MBNL1: variants seen among roughly 807,000 people sequenced by gnomAD.
MBNL1 encodes muscleblind like splicing regulator 1.
Under a neutral mutation model 42.2 loss-of-function variants are expected in MBNL1, and 8 were observed. That is an observed-to-expected ratio of 0.19 (90% CI 0.11 to 0.34). The LOEUF (loss-of-function observed/expected upper bound fraction) is 0.34. Among genes scored for constraint, MBNL1 ranks in the 10% least tolerant of loss-of-function variants. The probability of loss-of-function intolerance (pLI) is 1.00; values close to 1 mark genes in which losing one functional copy is unlikely to be tolerated. For synonymous variants in MBNL1, 169 were observed against 173.9 expected, an observed-to-expected ratio of 0.97 and a Z score of 0.22; for missense variants, 309 against 495.3, an observed-to-expected ratio of 0.62 and a Z score of 3.57.
intron 2 of MBNL1, among the ~76,000 whole-genome samples, chr3:152,250,816 GT>G (rs1368696220): frequency 1.3e-5 from 2 of 151,988 alleles, no homozygotes; most frequent in Admixed American, 6.6e-5. Context: ...TTTATTGAGA[GT>G]TTTTGGCATG....
At chr3:152,399,682 T>C (rs2098131707) in intron 2 of MBNL1, among the ~76,000 whole-genome samples, 1 of 152,086 alleles carries the variant, frequency 6.6e-6, no homozygotes, top group Non-Finnish European at 1.5e-5. Flanking sequence ...TTCTATATTT[T>C]TGTAGACACA....
intron 2 of MBNL1, among the ~76,000 whole-genome samples, chr3:152,303,116 T>G (rs2061422390): frequency 6.6e-6 from 1 of 152,034 alleles, no homozygotes. Flanking sequence ...AGGAAGAAAA[T>G]TAGCTCACTA....
intron 2 of MBNL1, chr3:152,340,530 A>C: frequency 1.3e-6 from 2 of 1,584,890 alleles, no homozygotes; most frequent in Non-Finnish European, 1.7e-6. Flanking sequence ...GAGATTTTTA[A>C]TTCTTCATGA....
chr3:152,417,037 A>G (rs2098713529), intron 3 of MBNL1, among the ~76,000 whole-genome samples: 1 of 152,250 alleles, frequency 6.6e-6, no homozygotes, highest in African/African-American at 2.4e-5. Context: ...TCATTGTCTA[A>G]AAATATACTT....
chr3:152,455,458 A>G, intron 6 of MBNL1, 84 bp from the exon 7 acceptor site: 3 of 1,105,914 alleles, frequency 2.7e-6, no homozygotes, highest in Non-Finnish European at 4.1e-6. Flanking sequence ...GTTCAAATGA[A>G]TTTTCTAATT....
intron 2 of MBNL1, among the ~76,000 whole-genome samples, chr3:152,368,271 C>A (rs902530196): frequency 2.6e-5 from 4 of 152,124 alleles, no homozygotes; most frequent in Middle Eastern, 3.2e-3. Context: ...ATAGGGAATT[C>A]TTTTCCCATT....
chr3:152,289,582 A>AT (rs2054642181), intron 1 of MBNL1, among the ~76,000 whole-genome samples: 1 of 152,060 alleles, frequency 6.6e-6, no homozygotes, highest in Non-Finnish European at 1.5e-5. Flanking sequence ...TGAATTTGTT[A>AT]TTTTTTTGAA....
At chr3:152,313,008 A>G (rs1186252406) in intron 2 of MBNL1, among the ~76,000 whole-genome samples, 2 of 151,260 alleles carry the variant, frequency 1.3e-5, no homozygotes, top group African/African-American at 4.9e-5. Context: ...GCCACATGAA[A>G]AAATGTGCAA....
chr3:152,374,672 CCAAA>C (rs959577565), intron 2 of MBNL1, among the ~76,000 whole-genome samples: 1 of 152,124 alleles, frequency 6.6e-6, no homozygotes, highest in South Asian at 2.1e-4. Flanking sequence ...ATCACATTTG[CCAAA>C]CAAAGTGTTC....
chr3:152,333,967 G>A (rs1344662543), intron 2 of MBNL1, among the ~76,000 whole-genome samples: 1 of 152,162 alleles, frequency 6.6e-6, no homozygotes, highest in Non-Finnish European at 1.5e-5. Context: ...CAGTTTCCTT[G>A]TTTCCAAAAT....
chr3:152,419,302 G>A (rs1007838813), intron 3 of MBNL1, among the ~76,000 whole-genome samples: 5 of 152,088 alleles, frequency 3.3e-5, no homozygotes, highest in African/African-American at 9.7e-5. Context: ...CCAAATAGGA[G>A]CAACTCCAGT....
chr3:152,268,859 G>A (rs764975884), upstream of MBNL1: 6 of 453,224 alleles, frequency 1.3e-5, no homozygotes, highest in Middle Eastern at 4.9e-4. Context: ...CTGGGCGGGC[G>A]GGGGAGGGGC....
intron 2 of MBNL1, among the ~76,000 whole-genome samples, chr3:152,258,643 C>T (rs1465294683): frequency 6.6e-6 from 1 of 152,198 alleles, no homozygotes; most frequent in Non-Finnish European, 1.5e-5. Flanking sequence ...ATGTGTCATA[C>T]TTGGTATGTA....
chr3:152,403,654 A>G (rs1294514011), intron 2 of MBNL1, among the ~76,000 whole-genome samples: 2 of 152,118 alleles, frequency 1.3e-5, no homozygotes, highest in East Asian at 1.9e-4. Context: ...TTCTCTAGGT[A>G]TGGGGGTGGA....
chr3:152,293,482 A>G (rs942755981), intron 1 of MBNL1, among the ~76,000 whole-genome samples: 2 of 152,228 alleles, frequency 1.3e-5, no homozygotes, highest in Non-Finnish European at 2.9e-5. Context: ...TTAGTTTACT[A>G]AAGAACTGCA....
intron 2 of MBNL1, among the ~76,000 whole-genome samples, chr3:152,343,944 T>C (rs1015714676): frequency 1.3e-5 from 2 of 152,236 alleles, no homozygotes; most frequent in African/African-American, 4.8e-5. Flanking sequence ...CCCTTATAAA[T>C]AAGTTATTAA....
intron 2 of MBNL1, among the ~76,000 whole-genome samples, chr3:152,259,471 T>C (rs1280370352): frequency 6.6e-6 from 1 of 152,226 alleles, no homozygotes. Flanking sequence ...AAACAAGTGA[T>C]AATAAAATTA....
chr3:152,376,485 G>A (rs907139653), intron 2 of MBNL1, among the ~76,000 whole-genome samples: 1 of 152,056 alleles, frequency 6.6e-6, no homozygotes. Flanking sequence ...TGGTTCATCC[G>A]TAAAATAAGA....
At position 152,463,207 on chromosome 3, in the gene MBNL1, C is replaced by T. The variant is rs1330687902; in HGVS notation, c.*841C>T. The T allele has an allele frequency of 6.7e-6, 1 of 149,268 alleles. No individual in the cohort carries two copies. Among genetic ancestry groups the T allele is most frequent in the East Asian group, 2.0e-4 (1 of 5,104 alleles). The allele number at this position is 149,268 out of a possible 1,614,324, so 9.2% of individuals were successfully genotyped here. ...AATTTAACTTTACAGTAACAATAGA[C>T]AGCACAACACAAACTCTCTCAATAC... On this transcript the variant is annotated 3_prime_UTR_variant, in exon 10 of 10. Coordinates refer to ENST00000324210, the MANE Select transcript of MBNL1 (RefSeq NM_021038.5).
Sources: gnomAD v4.1 joint callset for allele counts (sites outside exome capture counted in the v4.1 genomes callset) on GRCh38, gnomAD v4.1.1 for gene constraint, MANE v1.5 for transcripts, NCBI Gene and HGNC (gene_info 2026-07-23, HGNC 2026-07-21) for gene names.